The following CEP85L variants were observed in gnomAD, a reference collection of about 807,000 sequenced individuals.
CEP85L encodes centrosomal protein 85L, also known as centrosomal protein of 85 kDa-like.
A neutral mutation model predicts 100.3 loss-of-function variants in CEP85L; 60 were observed. That is an observed-to-expected ratio of 0.60 (90% confidence interval 0.49 to 0.74). The LOEUF is 0.74. CEP85L is among the 30% of genes least tolerant of loss of function. The pLI, the probability that CEP85L is intolerant of heterozygous loss-of-function variation, is 0.00. For synonymous variants in CEP85L, 319 were observed against 322.7 expected, an observed-to-expected ratio of 0.99 and a Z score of 0.12; for missense variants, 973 against 936.2, an observed-to-expected ratio of 1.04 and a Z score of -0.51.
rs940967583 is a variant in CEP85L at position 118,672,602 on chromosome 6, CAA to C, written c.-27-19796_-27-19795del. 2.0e-5 allele frequency among the ~76,000 whole-genome samples: 3 copies of C among 151,994 alleles called. No homozygotes were observed. The East Asian group carries it at 5.9e-4, about 30-fold the overall frequency. On this transcript the variant is annotated intron_variant, in intron 1 of 13. Coordinates refer to the CEP85L transcript ENST00000368488. ...GCAACATGGTGAGACTTCATTTCTACAAAAAATGCAAAACTTAGCTGGGCATG... is the reference window on the plus strand; with the variant it reads ...GCAACATGGTGAGACTTCATTTCTACAAAATGCAAAACTTAGCTGGGCATG...
chr6:118,501,825 A>T, intron 5 of CEP85L: 1 of 1,290,324 alleles, frequency 7.7e-7, no homozygotes, highest in Non-Finnish European at 1.1e-6. Flanking sequence ...AGAGAGAGAG[A>T]GAGAGAGGAC....
At chr6:118,592,250 TAAAC>T (rs771028853) in intron 2 of CEP85L, among the ~76,000 whole-genome samples, 2 of 151,044 alleles carry the variant, frequency 1.3e-5, no homozygotes, top group South Asian at 2.1e-4. Flanking sequence ...GGCTTGGGGC[TAAAC>T]AAACAGACTA....
At chr6:118,562,394 T>C (rs753606731) in intron 3 of CEP85L, among the ~76,000 whole-genome samples, 1 of 152,118 alleles carries the variant, frequency 6.6e-6, no homozygotes, top group Non-Finnish European at 1.5e-5. Context: ...GACAGGGTGT[T>C]ACTCTGTCAT....
chr6:118,707,090 G>T (rs1259283918), intron 1 of CEP85L, among the ~76,000 whole-genome samples: 1 of 151,942 alleles, frequency 6.6e-6, no homozygotes, highest in Non-Finnish European at 1.5e-5. Context: ...TCACAACTCT[G>T]CCATGGATGC....
intron 2 of CEP85L, among the ~76,000 whole-genome samples, chr6:118,605,364 C>T (rs181777619): frequency 3.3e-4 from 50 of 152,278 alleles, no homozygotes; most frequent in African/African-American, 1.2e-3. Context: ...CCTTATCTTC[C>T]AGGTGGCCAA....
intron 3 of CEP85L, among the ~76,000 whole-genome samples, chr6:118,539,373 T>C (rs1034358848): frequency 8.5e-5 from 13 of 152,188 alleles, no homozygotes; most frequent in Non-Finnish European, 2.9e-5. Flanking sequence ...GCAAATACCA[T>C]ATAGCCTAGG....
At chr6:118,562,479 C>T (rs887498402) in intron 3 of CEP85L, among the ~76,000 whole-genome samples, 1 of 152,084 alleles carries the variant, frequency 6.6e-6, no homozygotes, top group East Asian at 1.9e-4. Flanking sequence ...ATTCTCCAAC[C>T]TTGGTTCCCA....
At chr6:118,578,685 C>T (rs111981007) in intron 2 of CEP85L, among the ~76,000 whole-genome samples, 1,709 of 152,154 alleles carry the variant, frequency 0.011, 43 homozygotes, top group African/African-American at 0.039. Flanking sequence ...GCCGAGACCG[C>T]GCCACTGCAC....
chr6:118,565,924 C>G lies in CEP85L; in HGVS notation c.625G>C (p.Glu209Gln). The G allele has an allele frequency of 2.5e-6, 4 of 1,614,198 alleles. No individual in the cohort carries two copies. The highest frequency in any genetic ancestry group is 2.2e-5 in the South Asian group (2 of 91,086). The change falls in exon 3 of 13, where the codon GAG (glutamate) becomes CAG (glutamine). Residue 209 changes from glutamate (E) to glutamine (Q), a missense_variant. Around this residue, in one of 3 missense-constraint regions of CEP85L, gnomAD observed 890 missense variants for 844.5 expected, o/e 1.05. Transcript: ENST00000368491. ...IGPSCLHDSM[E>Q]MLRLEDKEIN... is the part of the protein sequence containing the mutation. ...TCCTTGTCCTCTAACCTAAGCATCT[C>G]CATACTATCATGTAAACAGCTAGGC...
intron 10 of CEP85L, among the ~76,000 whole-genome samples, chr6:118,476,802 T>A (rs1210886835): frequency 1.3e-5 from 2 of 152,204 alleles, no homozygotes; most frequent in Non-Finnish European, 2.9e-5. Context: ...ATTATGATCA[T>A]CTATTGATGG....
intron 5 of CEP85L, among the ~76,000 whole-genome samples, chr6:118,505,131 A>G (rs1365700371): frequency 1.3e-5 from 2 of 152,098 alleles, no homozygotes; most frequent in Non-Finnish European, 2.9e-5. Flanking sequence ...AATAAAATTC[A>G]TAAATTTTCA....
intron 5 of CEP85L, chr6:118,502,155 G>A: frequency 8.7e-7 from 1 of 1,145,594 alleles, no homozygotes; most frequent in Non-Finnish European, 1.2e-6. Context: ...ATATTCTGCA[G>A]GGGTTCAAAG....
At chr6:118,527,324 G>C (rs529122225) in intron 3 of CEP85L, among the ~76,000 whole-genome samples, 1 of 151,992 alleles carries the variant, frequency 6.6e-6, no homozygotes, top group Admixed American at 6.6e-5. Flanking sequence ...TAACAAACGT[G>C]CTTTCCCTGT....
At chr6:118,605,890 T>C (rs904227138) in intron 2 of CEP85L, among the ~76,000 whole-genome samples, 2 of 152,030 alleles carry the variant, frequency 1.3e-5, no homozygotes, top group Admixed American at 6.5e-5. Flanking sequence ...GGCACACACC[T>C]GTAGTCCCAG....
At chr6:118,687,215 C>T (rs962976670) in intron 1 of CEP85L, among the ~76,000 whole-genome samples, 1 of 152,156 alleles carries the variant, frequency 6.6e-6, no homozygotes, top group Non-Finnish European at 1.5e-5. Context: ...GCAGCCATAT[C>T]TCTCACAATA....
At chr6:118,702,289 T>C (rs896790126) in intron 1 of CEP85L, among the ~76,000 whole-genome samples, 2 of 152,096 alleles carry the variant, frequency 1.3e-5, no homozygotes, top group African/African-American at 2.4e-5. Flanking sequence ...GGTGGGAGGA[T>C]TGCTTGAGCC....
At chr6:118,569,710 C>T (rs768471526) in intron 2 of CEP85L, among the ~76,000 whole-genome samples, 1 of 151,302 alleles carries the variant, frequency 6.6e-6, no homozygotes, top group Non-Finnish European at 1.5e-5. Flanking sequence ...TAAAAAGCTA[C>T]AAGTAAATAT....
chr6:118,503,111 T>G (rs1775411535), intron 5 of CEP85L, among the ~76,000 whole-genome samples: 1 of 152,202 alleles, frequency 6.6e-6, no homozygotes, highest in African/African-American at 2.4e-5. Context: ...GATACAAGGT[T>G]AACACACAAA....
chr6:118,524,783 T>G (rs1776868551), intron 3 of CEP85L, among the ~76,000 whole-genome samples: 1 of 152,206 alleles, frequency 6.6e-6, no homozygotes, highest in Non-Finnish European at 1.5e-5. Context: ...TCCACAAGTG[T>G]GCAGATGCTT....
Sources: gnomAD v4.1 joint callset for allele counts (sites outside exome capture counted in the v4.1 genomes callset) on GRCh38, gnomAD v4.1.1 for gene constraint, gnomAD v4.1.1 regional missense constraint, MANE v1.5 for transcripts, NCBI Gene and HGNC (gene_info 2026-07-23, HGNC 2026-07-21) for gene names.